The following KIFAP3 variants were observed in gnomAD, a reference collection of about 807,000 sequenced individuals.
KIFAP3 encodes the protein kinesin associated protein 3.
Under a neutral mutation model 106.5 loss-of-function variants are expected in KIFAP3, and 68 were observed. The observed-to-expected ratio is 0.64, with a 90% CI of 0.53 to 0.78. KIFAP3 has a LOEUF of 0.78. Ranked by LOEUF, KIFAP3 falls within the 30% of genes least tolerant of loss-of-function variation. KIFAP3 has a pLI of 0.00. For synonymous variants in KIFAP3, 320 were observed against 311.5 expected (o/e 1.03, Z -0.29); for missense variants, 780 against 941.8 (o/e 0.83, Z 2.25).
At chr1:170,062,955 T>C (rs565600373) in intron 1 of KIFAP3, among the ~76,000 whole-genome samples, 2 of 152,234 alleles carry the variant, frequency 1.3e-5, no homozygotes, top group Non-Finnish European at 2.9e-5. Context: ...GCAAAAATTA[T>C]AACAGTGAGA....
chr1:170,000,161 T>C (rs1450821733), intron 10 of KIFAP3, among the ~76,000 whole-genome samples: 1 of 152,086 alleles, frequency 6.6e-6, no homozygotes, highest in Non-Finnish European at 1.5e-5. Flanking sequence ...GTTCTGAACA[T>C]GAGAACTCAA....
At chr1:170,054,511 T>G (rs1423909801) in intron 2 of KIFAP3, among the ~76,000 whole-genome samples, 1 of 152,154 alleles carries the variant, frequency 6.6e-6, no homozygotes, top group East Asian at 1.9e-4. Context: ...CATTAACACA[T>G]AGGTTTATTA....
intron 19 of KIFAP3, among the ~76,000 whole-genome samples, chr1:169,946,981 C>T (rs929860233): frequency 6.6e-6 from 1 of 151,864 alleles, no homozygotes; most frequent in African/African-American, 2.4e-5. Context: ...ATAGCTATTG[C>T]ACTCTTGTTC....
At chr1:170,078,750 A>G (rs1239073489), upstream of KIFAP3, among the ~76,000 whole-genome samples, 1 of 152,232 alleles carries the variant, frequency 6.6e-6, no homozygotes, top group Non-Finnish European at 1.5e-5. Context: ...AGATAATGTC[A>G]ATTTAGATAC....
intron 10 of KIFAP3, among the ~76,000 whole-genome samples, chr1:169,993,658 T>A (rs1667218983): frequency 1.1e-4 from 5 of 45,184 alleles, no homozygotes; most frequent in East Asian, 8.4e-4. Context: ...AAGGTGAGGC[T>A]TGCAGTGAGC....
At chr1:169,992,045 T>G in intron 11 of KIFAP3, 110 bp downstream of exon 11, 2 of 442,890 alleles carry the variant, frequency 4.5e-6, no homozygotes, top group East Asian at 3.8e-5. Flanking sequence ...ATTTGTAGTA[T>G]TATTAAGAAG....
chr1:170,060,318 G>A (rs998912845), intron 1 of KIFAP3, among the ~76,000 whole-genome samples: 6 of 152,182 alleles, frequency 3.9e-5, no homozygotes, highest in African/African-American at 1.4e-4. Flanking sequence ...CAAAGTCTCA[G>A]GACACAAAAT....
At chr1:169,987,863 A>G (rs1171583038) in intron 11 of KIFAP3, among the ~76,000 whole-genome samples, 2 of 152,110 alleles carry the variant, frequency 1.3e-5, no homozygotes, top group Non-Finnish European at 2.9e-5. Context: ...TAAACAAAAC[A>G]TGCATCTCAG....
intron 1 of KIFAP3, among the ~76,000 whole-genome samples, chr1:170,062,887 T>TC (rs1294784086): frequency 6.6e-6 from 1 of 152,154 alleles, no homozygotes; most frequent in Non-Finnish European, 1.5e-5. Context: ...AGTCTTTTTT[T>TC]TTTAATCACT....
At chr1:170,056,284 G>A (rs982420829) in intron 1 of KIFAP3, among the ~76,000 whole-genome samples, 1 of 152,012 alleles carries the variant, frequency 6.6e-6, no homozygotes, top group Non-Finnish European at 1.5e-5. Flanking sequence ...TAACAAAAAA[G>A]CATTTACAGG....
chr1:170,002,216 T>G (rs960958312), intron 10 of KIFAP3, among the ~76,000 whole-genome samples: 1 of 152,142 alleles, frequency 6.6e-6, no homozygotes, highest in African/African-American at 2.4e-5. Flanking sequence ...GTTCTACAGC[T>G]CTGTAAAATG....
chr1:169,969,292 G>A (rs1304951564), intron 17 of KIFAP3, among the ~76,000 whole-genome samples: 7 of 152,010 alleles, frequency 4.6e-5, no homozygotes, highest in African/African-American at 1.7e-4. Context: ...TCTTCAAGAC[G>A]TTGTAAGATA....
chr1:169,928,932 GCTGAA>G (rs1442614364), intron 19 of KIFAP3, among the ~76,000 whole-genome samples: 3 of 151,994 alleles, frequency 2.0e-5, no homozygotes, highest in Non-Finnish European at 4.4e-5. Flanking sequence ...CTTCTACAGG[GCTGAA>G]CTGTTCTTGG....
chr1:169,975,096 C>T (rs534353180), intron 16 of KIFAP3, among the ~76,000 whole-genome samples: 5 of 152,060 alleles, frequency 3.3e-5, no homozygotes, highest in African/African-American at 1.2e-4. Context: ...TGTTGCATTT[C>T]TATTCTCTAT....
chr1:170,077,737 G>A (rs112089813), upstream of KIFAP3, among the ~76,000 whole-genome samples: 7 of 152,234 alleles, frequency 4.6e-5, no homozygotes, highest in African/African-American at 1.7e-4. Context: ...CCAGGCTCTG[G>A]TAAATACTGA....
chr1:169,980,256 T>C (rs607707), intron 15 of KIFAP3, among the ~76,000 whole-genome samples: 142,622 of 152,200 alleles, frequency 0.94, 66,906 homozygotes, highest in East Asian at 1. Flanking sequence ...ATTACATATT[T>C]GAAAAGTCTA....
chr1:170,024,558 G>A lies in KIFAP3; in HGVS notation c.880C>T (p.Arg294Cys), dbSNP rs935907903. 2.5e-6 allele frequency: 4 copies of A among 1,594,666 alleles called. No individual in the cohort carries two copies. The highest frequency in any genetic ancestry group is 3.4e-6 in the Non-Finnish European group (4 of 1,171,396). Reference sequence around the variant, plus strand: ...TTGTTCCTCATTTTCAGTTCGGTACGAGTATCCTCAGCAAGATTCAGAAGC... The same window carrying A: ...TTGTTCCTCATTTTCAGTTCGGTACAAGTATCCTCAGCAAGATTCAGAAGC... ...YLLLNLAEDT[R>C]TELKMRNKNI... The change falls in exon 9 of 20, where the codon CGT (arginine) becomes TGT (cysteine). Residue 294 changes from arginine (R) to cysteine (C), a missense_variant. Coordinates refer to ENST00000361580, the MANE Select transcript of KIFAP3 (RefSeq NM_014970.4).
chr1:170,026,169 C>T (rs1669091699), intron 8 of KIFAP3, among the ~76,000 whole-genome samples: 1 of 152,130 alleles, frequency 6.6e-6, no homozygotes, highest in African/African-American at 2.4e-5. Context: ...AGAGAAGATT[C>T]TTTTCCAGAG....
rs16862909 is a variant in KIFAP3, at chr1:169,999,308, C to T, written c.1184-7053G>A. Among the ~76,000 whole-genome samples, 1,086 of 152,258 alleles carry T rather than the reference C, an allele frequency of 7.1e-3. 18 individuals carry two copies. The highest frequency in any genetic ancestry group is 0.024 in the African/African-American group (995 of 41,536). The stretch of plus-strand genomic sequence containing the variant: ...AGAATTCATGACTAGAAGCCATAAA[C>T]TGTAGCTAACCGGCTATGATTCCTC... On this transcript the variant is annotated intron_variant, in intron 10 of 19. Transcript: ENST00000361580.
Sources: allele counts gnomAD v4.1 joint callset (sites outside exome capture counted in the v4.1 genomes callset), GRCh38; gene constraint gnomAD v4.1.1; transcripts MANE v1.5; gene names NCBI Gene and HGNC (gene_info 2026-07-23, HGNC 2026-07-21).